Variants in MYOF observed in about 807,000 individuals in gnomAD.
MYOF encodes fer-1-like 3, myoferlin.
Under a neutral mutation model 284.2 loss-of-function variants are expected in MYOF, and 244 were observed. That is an observed-to-expected ratio of 0.86 (90% CI 0.77 to 0.95). The LOEUF (loss-of-function observed/expected upper bound fraction) is 0.95, where lower values mean the gene tolerates loss of function less well. Ranked by LOEUF, MYOF falls within the 40% of genes least tolerant of loss-of-function variation. The probability of loss-of-function intolerance (pLI) is 0.00; values close to 1 mark genes in which losing one functional copy is unlikely to be tolerated. For synonymous variants in MYOF, 904 were observed against 919.7 expected (o/e 0.98, Z 0.31); for missense variants, 2,496 against 2,560.6 (o/e 0.97, Z 0.54).
chr10:93,316,377 A>T (rs1052498617), intron 50 of MYOF, among the ~76,000 whole-genome samples: 1 of 151,930 alleles, frequency 6.6e-6, no homozygotes, highest in Non-Finnish European at 1.5e-5. Flanking sequence ...CAGGTTGAGG[A>T]GGGTAGGAGC....
intron 43 of MYOF, among the ~76,000 whole-genome samples, chr10:93,332,283 C>T (rs1044907756): frequency 1.7e-4 from 25 of 150,928 alleles, no homozygotes; most frequent in South Asian, 4.2e-4. Context: ...AGTGCAATGG[C>T]GCGATCTCAG....
At chr10:93,379,803 A>G in intron 21 of MYOF, 60 bp downstream of exon 21, 2 of 1,601,338 alleles carry the variant, frequency 1.2e-6, no homozygotes, top group Non-Finnish European at 1.7e-6. Context: ...CCTGGCCTCC[A>G]TCCTAATACC....
chr10:93,444,220 G>A (rs901184067), intron 3 of MYOF, among the ~76,000 whole-genome samples: 3 of 152,190 alleles, frequency 2.0e-5, no homozygotes, highest in Non-Finnish European at 2.9e-5. Context: ...TGTCATCCAC[G>A]TAGGAGCATC....
chr10:93,376,887 A>G (rs1023533629), intron 22 of MYOF, among the ~76,000 whole-genome samples: 3 of 152,180 alleles, frequency 2.0e-5, no homozygotes, highest in African/African-American at 7.2e-5. Context: ...GCTGTTTCTA[A>G]AAATATGTTT....
chr10:93,457,315 G>C (rs552620978), intron 1 of MYOF, among the ~76,000 whole-genome samples: 43 of 152,294 alleles, frequency 2.8e-4, no homozygotes, highest in African/African-American at 1.0e-3. Context: ...ACGTTTATCT[G>C]AGCTCACACC....
chr10:93,359,029 A>C lies in MYOF; in HGVS notation c.3120+804T>G, dbSNP rs578044090. Among the ~76,000 whole-genome samples the C allele has an allele frequency of 2.0e-5, 3 of 152,294 alleles. No homozygotes were observed. The South Asian group carries it at 6.2e-4, about 32-fold the overall frequency. On this transcript the variant is annotated intron_variant, in intron 29 of 53. Coordinates refer to ENST00000359263, the MANE Select transcript of MYOF (RefSeq NM_013451.4). ...GGAGCATATTTCTGAGTTAGCAAGG[A>C]GGATACAAAGATGACTGTGGCTCCA...
chr10:93,481,393 C>T (rs2057379621), intron 1 of MYOF, among the ~76,000 whole-genome samples: 1 of 152,228 alleles, frequency 6.6e-6, no homozygotes. Context: ...ATGATCTTGT[C>T]TAAACCCTTC....
At chr10:93,310,497 G>A in intron 52 of MYOF, 37 bp downstream of exon 52, 2 of 1,594,076 alleles carry the variant, frequency 1.3e-6, no homozygotes, top group Middle Eastern at 1.7e-4. Flanking sequence ...CAGCCTGCAG[G>A]TGTTTGGGGA....
chr10:93,465,533 C>CTTTTTTTTTTTTTTTT (rs753278804), intron 1 of MYOF, among the ~76,000 whole-genome samples: 2 of 53,224 alleles, frequency 3.8e-5, no homozygotes, highest in African/African-American at 1.1e-4. Context: ...TCTTTTTTTT[C>CTTTTTTTTTTTTTTTT]TTTTCTTTTT....
At position 93,379,995 on chromosome 10, in the gene MYOF, A is replaced by G. The variant is rs773169396; in HGVS notation, c.1877-8T>C. The G allele has an allele frequency of 2.5e-6, 4 of 1,612,342 alleles. No homozygotes were observed. The South Asian group carries it at 4.4e-5, about 18-fold the overall frequency. On this transcript the variant is annotated splice_region_variant and splice_polypyrimidine_tract_variant and intron_variant, in intron 20 of 53. Coordinates refer to ENST00000359263, the MANE Select transcript of MYOF (RefSeq NM_013451.4). ...AGTAATAATAGTAGTTGCCTGGTAT[A>G]AAACATTGGGGGTCAATGAACACTG...
chr10:93,417,233 T>C (rs1195466672), intron 5 of MYOF, among the ~76,000 whole-genome samples: 1 of 137,466 alleles, frequency 7.3e-6, no homozygotes, highest in Non-Finnish European at 1.7e-5. Flanking sequence ...ACCTGTCTCC[T>C]TTCTGAATAT....
chr10:93,460,103 T>TGGCA (rs2056839215), intron 1 of MYOF, among the ~76,000 whole-genome samples: 1 of 152,176 alleles, frequency 6.6e-6, no homozygotes, highest in Non-Finnish European at 1.5e-5. Context: ...CACTGAAAGA[T>TGGCA]GGCACTGAAG....
chr10:93,431,626 A>G (rs998666982), intron 3 of MYOF, 110 bp from the exon 4 acceptor site: 16 of 792,130 alleles, frequency 2.0e-5, no homozygotes, highest in Non-Finnish European at 3.1e-5. Flanking sequence ...TGAAGTCACT[A>G]TAATGAGATG....
intron 27 of MYOF, among the ~76,000 whole-genome samples, chr10:93,363,470 C>T (rs575179443): frequency 6.6e-5 from 10 of 152,098 alleles, no homozygotes; most frequent in East Asian, 1.9e-4. Context: ...GTTCAAGACC[C>T]GCATGGGCAA....
intron 37 of MYOF, among the ~76,000 whole-genome samples, chr10:93,345,419 C>T (rs377138134): frequency 2.6e-5 from 4 of 152,168 alleles, no homozygotes; most frequent in South Asian, 2.1e-4. Flanking sequence ...ACCACCACAC[C>T]AGAGCCTGGA....
At chr10:93,346,592 A>G (rs1487403317) in intron 37 of MYOF, among the ~76,000 whole-genome samples, 1 of 152,276 alleles carries the variant, frequency 6.6e-6, no homozygotes, top group Non-Finnish European at 1.5e-5. Context: ...ATGGAAATCT[A>G]AAGTAAGTAT....
At chr10:93,340,368 G>A (rs896822012) in intron 38 of MYOF, 6 of 547,004 alleles carry the variant, frequency 1.1e-5, no homozygotes, top group African/African-American at 1.9e-5. Context: ...CACCTTACTG[G>A]TTTCTTTTCT....
At chr10:93,349,574 G>A (rs1844405184) in intron 36 of MYOF, among the ~76,000 whole-genome samples, 1 of 152,208 alleles carries the variant, frequency 6.6e-6, no homozygotes, top group Admixed American at 6.5e-5. Context: ...GGAGAAATAA[G>A]TAAGTATTGC....
chr10:93,329,048 C>T, intron 44 of MYOF, 137 bp from the exon 45 acceptor site: 1 of 811,534 alleles, frequency 1.2e-6, no homozygotes, highest in Non-Finnish European at 1.8e-6. Context: ...CTGACTTTGG[C>T]CTAGAAATCT....
Sources: gnomAD v4.1 joint callset for allele counts (sites outside exome capture counted in the v4.1 genomes callset) on GRCh38, gnomAD v4.1.1 for gene constraint, MANE v1.5 for transcripts, NCBI Gene and HGNC (gene_info 2026-07-23, HGNC 2026-07-21) for gene names.